Variants in FIG4 observed in about 807,000 individuals in gnomAD.
FIG4 encodes FIG4 phosphoinositide 5-phosphatase, also known as polyphosphoinositide phosphatase.
FIG4 carries 112 observed loss-of-function variants against 118.6 expected under a neutral mutation model. The observed-to-expected ratio is 0.94, with a 90% CI of 0.81 to 1.11. The LOEUF is 1.11. Ranked by LOEUF, FIG4 falls within the 50% of genes least tolerant of loss-of-function variation. The pLI is 0.00. For missense variants in FIG4, 969 were observed against 1,111.7 expected, an observed-to-expected ratio of 0.87 and a Z score of 1.83; for synonymous variants, 369 against 381.2, an observed-to-expected ratio of 0.97 and a Z score of 0.37.
chr6:109,760,126 T>G, intron 10 of FIG4, 124 bp from the exon 11 acceptor site: 1 of 736,138 alleles, frequency 1.4e-6, no homozygotes, highest in Non-Finnish European at 2.4e-6. Flanking sequence ...GTAGCTAGGT[T>G]TCATTTTAGT....
At chr6:109,805,105 C>T (rs996031619) in intron 22 of FIG4, among the ~76,000 whole-genome samples, 4 of 152,142 alleles carry the variant, frequency 2.6e-5, no homozygotes, top group Non-Finnish European at 5.9e-5. Context: ...TATAGCAGCT[C>T]AGAGTTCTGA....
chr6:109,807,607 T>A (rs1453409849), intron 22 of FIG4, among the ~76,000 whole-genome samples: 2 of 152,218 alleles, frequency 1.3e-5, no homozygotes, highest in African/African-American at 4.8e-5. Flanking sequence ...AGCTCTTTAG[T>A]TGAATTAGAC....
intron 7 of FIG4, 95 bp from the exon 8 acceptor site, chr6:109,741,349 A>G: frequency 1.2e-6 from 1 of 843,062 alleles, no homozygotes; most frequent in South Asian, 1.3e-5. Context: ...AAGCCATTGG[A>G]CAAGCTGTAT....
At chr6:109,776,243 G>T (rs1777615804) in intron 15 of FIG4, among the ~76,000 whole-genome samples, 2 of 152,192 alleles carry the variant, frequency 1.3e-5, no homozygotes, top group African/African-American at 2.4e-5. Flanking sequence ...AGTCAGTTTT[G>T]TTACTTCATA....
At chr6:109,744,413 A>G (rs1776418905) in intron 10 of FIG4, among the ~76,000 whole-genome samples, 2 of 152,084 alleles carry the variant, frequency 1.3e-5, no homozygotes, top group Admixed American at 1.3e-4. Context: ...TTTTATCTGC[A>G]TCTGTTGCAG....
intron 22 of FIG4, among the ~76,000 whole-genome samples, chr6:109,817,745 ACT>A (rs1466334035): frequency 1.3e-5 from 2 of 151,858 alleles, no homozygotes; most frequent in Admixed American, 1.3e-4. Context: ...GAAAGGGTCC[ACT>A]CTCTGCCAGA....
intron 22 of FIG4, among the ~76,000 whole-genome samples, chr6:109,798,663 A>G (rs1256949614): frequency 1.3e-5 from 2 of 152,222 alleles, no homozygotes; most frequent in East Asian, 3.8e-4. Context: ...TCTGGGTCTA[A>G]TGGCTGAGAC....
rs748995164 is a variant in FIG4, at chr6:109,760,337, C to A, written c.1225C>A (p.His409Asn). The change falls in exon 11 of 23, where the codon CAC becomes AAC. Residue 409 changes from histidine to asparagine, a missense_variant. His to Asn is a moderately conservative substitution (Grantham distance 68, BLOSUM62 1). Transcript: ENST00000230124. ...TYLNQFLPPE[H>N]TIVYIPWDMA... is the part of the protein sequence containing the mutation. ...TCTCAACCAATTTTTGCCTCCTGAG[C>A]ACACTATTGTTTATATTCCCTGGGA... The A allele has an allele frequency of 6.2e-7, 1 of 1,612,484 alleles. No individual in the cohort carries two copies. Among genetic ancestry groups the A allele is most frequent in the Non-Finnish European group, 8.5e-7 (1 of 1,178,518 alleles).
intron 15 of FIG4, among the ~76,000 whole-genome samples, chr6:109,775,222 T>A (rs1212118517): frequency 6.6e-6 from 1 of 152,160 alleles, no homozygotes; most frequent in African/African-American, 2.4e-5. Flanking sequence ...GGTGATTGTT[T>A]TATTTGCAGT....
In FIG4 at chr6:109,716,459, A is replaced by G. The variant is rs376730932; in HGVS notation, c.180A>G (p.Gln60=). The G allele has an allele frequency of 6.8e-6, 11 of 1,613,584 alleles. No individual in the cohort carries two copies. Among genetic ancestry groups the G allele is most frequent in the Non-Finnish European group, 9.3e-6 (11 of 1,179,650 alleles). Reference sequence around the variant, plus strand: ...CTTATTCTTAGCATGTCTATACTCAACAAGAAGTAAGGGAACTTCTTGGCC... The same window carrying G: ...CTTATTCTTAGCATGTCTATACTCAGCAAGAAGTAAGGGAACTTCTTGGCC... ...VIIDDRHVYT[Q]QEVRELLGRL... is the part of the protein sequence containing the mutation. Residue 60 remains glutamine (Q), a synonymous_variant, in exon 3 of 23, where the codon CAA becomes CAG. Transcript: ENST00000230124.
chr6:109,776,607 A>G (rs1777624331), intron 15 of FIG4, among the ~76,000 whole-genome samples: 1 of 152,206 alleles, frequency 6.6e-6, no homozygotes, highest in Non-Finnish European at 1.5e-5. Context: ...TTTAAAAATA[A>G]AATTGCTATC....
chr6:109,795,113 T>G lies in FIG4; in HGVS notation c.2460-1652T>G, dbSNP rs1284213306. On this transcript the variant is annotated intron_variant, in intron 21 of 22. Transcript: ENST00000230124. ...CTTGCCAGTTTTTTTTTTTTTTTTT[T>G]TTTTTTTTTTTTTTTTTTTTTTGAG... 3.0e-3 allele frequency among the ~76,000 whole-genome samples: 331 copies of G among 109,200 alleles called. 4 individuals are homozygous for G. Among genetic ancestry groups the G allele is most frequent in the African/African-American group, 0.011 (312 of 29,296 alleles). The allele number at this position is 109,200 out of a possible 152,430, so 71.6% of individuals were successfully genotyped here.
intron 1 of FIG4, among the ~76,000 whole-genome samples, chr6:109,710,822 A>G (rs897819551): frequency 1.1e-4 from 17 of 151,916 alleles, no homozygotes; most frequent in Non-Finnish European, 8.8e-5. Flanking sequence ...GTCAGCGTTA[A>G]TATCCCCCTT....
At chr6:109,772,867 T>G (rs774887899) in intron 15 of FIG4, among the ~76,000 whole-genome samples, 8 of 152,224 alleles carry the variant, frequency 5.3e-5, no homozygotes, top group Non-Finnish European at 1.0e-4. Context: ...ACAGCATTAC[T>G]GAGCTGTATT....
rs199601981 is a variant in FIG4 at position 109,806,516 on chromosome 6, A to G, written c.2546+9665A>G. On this transcript the variant is annotated intron_variant, in intron 22 of 22. Transcript: ENST00000230124. ...GTGTGTGCATGTGCTTGTGTAGTGT[A>G]TTAAGACTATGAAATCTGAGAACTG... Among the ~76,000 whole-genome samples the G allele has an allele frequency of 5.3e-5, 8 of 152,022 alleles. No individual in the cohort carries two copies. In the East Asian group the frequency reaches 1.6e-3, roughly 30 times the overall value.
chr6:109,761,666 C>T (rs776785778), intron 11 of FIG4, among the ~76,000 whole-genome samples: 10 of 152,340 alleles, frequency 6.6e-5, no homozygotes, highest in Admixed American at 1.3e-4. Flanking sequence ...GGATTACAGG[C>T]GTGAGCCACT....
At chr6:109,707,346 T>TA (rs1283802215) in intron 1 of FIG4, among the ~76,000 whole-genome samples, 1 of 109,232 alleles carries the variant, frequency 9.2e-6, no homozygotes, top group African/African-American at 3.9e-5. Flanking sequence ...TATATACATA[T>TA]ATACATACAT....
intron 12 of FIG4, among the ~76,000 whole-genome samples, chr6:109,763,672 G>C (rs1434442941): frequency 6.6e-6 from 1 of 152,102 alleles, no homozygotes; most frequent in African/African-American, 2.4e-5. Context: ...GTTGAGCATG[G>C]GTAACAAAAT....
intron 6 of FIG4, among the ~76,000 whole-genome samples, 197 bp from the exon 7 acceptor site, chr6:109,738,128 G>T (rs998999373): frequency 1.4e-4 from 22 of 152,206 alleles, no homozygotes; most frequent in African/African-American, 5.3e-4. Context: ...CAATGTTCTG[G>T]ACATGAAAGG....
Sources: gnomAD v4.1 joint callset for allele counts (sites outside exome capture counted in the v4.1 genomes callset) on GRCh38, gnomAD v4.1.1 for gene constraint, MANE v1.5 for transcripts, NCBI Gene and HGNC (gene_info 2026-07-23, HGNC 2026-07-21) for gene names.